Variants in GCNT1 observed in about 807,000 individuals in gnomAD.
GCNT1 encodes glucosaminyl (N-acetyl) transferase 1.
In GCNT1, 16 loss-of-function variants were observed where a neutral mutation model predicts 26.2. That is an observed-to-expected ratio of 0.61 (90% CI 0.41 to 0.93). The LOEUF (loss-of-function observed/expected upper bound fraction) is 0.93, where lower values mean the gene tolerates loss of function less well. Ranked by LOEUF, GCNT1 falls within the 40% of genes least tolerant of loss-of-function variation. The pLI, the probability that GCNT1 is intolerant of heterozygous loss-of-function variation, is 0.00. For missense variants in GCNT1, 477 were observed against 526.7 expected (o/e 0.91, Z 0.92); for synonymous variants, 183 against 190.8 (o/e 0.96, Z 0.34).
At chr9:76,398,398 A>G in the GCNT1 span, among the ~76,000 whole-genome samples, 21 of 152,360 alleles carry the variant, frequency 1.4e-4, no homozygotes, top group African/African-American at 5.0e-4. Flanking sequence ...AATGGCCAAA[A>G]TTCAGAACAC....
At chr9:76,467,322 G>A (rs1299568455) in intron 2 of GCNT1, among the ~76,000 whole-genome samples, 11 of 152,284 alleles carry the variant, frequency 7.2e-5, no homozygotes, top group Admixed American at 5.2e-4. Flanking sequence ...GATTACAGGC[G>A]TGAGCCACCT....
intron 2 of GCNT1, among the ~76,000 whole-genome samples, chr9:76,496,207 C>G (rs930078222): frequency 2.6e-5 from 4 of 152,242 alleles, no homozygotes; most frequent in African/African-American, 9.6e-5. Flanking sequence ...GAGACTACAT[C>G]TTGGATGGGT....
intron 2 of GCNT1, among the ~76,000 whole-genome samples, chr9:76,469,699 G>C (rs537318977): frequency 6.6e-6 from 1 of 152,176 alleles, no homozygotes; most frequent in Non-Finnish European, 1.5e-5. Flanking sequence ...CTGATCCAGC[G>C]AGGCGCCCAT....
At chr9:76,481,561 A>G (rs1282455534) in intron 2 of GCNT1, among the ~76,000 whole-genome samples, 1 of 152,146 alleles carries the variant, frequency 6.6e-6, no homozygotes, top group African/African-American at 2.4e-5. Context: ...TATCAGTTAT[A>G]TATAAAAGCT....
chr9:76,442,541 C>T (rs1320305661), intron 1 of GCNT1, among the ~76,000 whole-genome samples: 2 of 152,076 alleles, frequency 1.3e-5, no homozygotes, highest in African/African-American at 2.4e-5. Flanking sequence ...ATTAGCTGGG[C>T]TTGGTGGTAG....
chr9:76,479,948 G>A (rs931168004), intron 2 of GCNT1, among the ~76,000 whole-genome samples: 11 of 152,136 alleles, frequency 7.2e-5, no homozygotes, highest in Admixed American at 2.0e-4. Flanking sequence ...GTCCTGAATG[G>A]TATTGCCTAG....
At chr9:76,480,727 T>C (rs1470248948) in intron 2 of GCNT1, among the ~76,000 whole-genome samples, 2 of 152,288 alleles carry the variant, frequency 1.3e-5, no homozygotes, top group Middle Eastern at 3.4e-3. Flanking sequence ...TGACATTTTG[T>C]CTCAAAGTAG....
At chr9:76,412,629 C>T in the GCNT1 span, among the ~76,000 whole-genome samples, 1 of 152,196 alleles carries the variant, frequency 6.6e-6, no homozygotes, top group Non-Finnish European at 1.5e-5. Context: ...GTTGCCTCAG[C>T]ATCCATTTTG....
upstream of GCNT1, among the ~76,000 whole-genome samples, chr9:76,439,505 G>A (rs1195556140): frequency 2.6e-5 from 4 of 151,796 alleles, no homozygotes; most frequent in South Asian, 2.1e-4. Context: ...GATTACAGGC[G>A]TGAGCCACCA....
At chr9:76,495,101 G>A (rs1824868769) in intron 2 of GCNT1, among the ~76,000 whole-genome samples, 1 of 152,180 alleles carries the variant, frequency 6.6e-6, no homozygotes. Context: ...GGAAAAATAG[G>A]ACAGAATAGC....
upstream of GCNT1, chr9:76,459,153 G>A (rs1370113964): frequency 6.6e-6 from 1 of 152,324 alleles, no homozygotes; most frequent in Admixed American, 6.5e-5. Context: ...AGAAAGGCGG[G>A]GCCTCTGGGG....
intron 1 of GCNT1, among the ~76,000 whole-genome samples, chr9:76,431,312 G>A (rs1361523686): frequency 6.6e-6 from 1 of 152,118 alleles, no homozygotes; most frequent in African/African-American, 2.4e-5. Flanking sequence ...CCTTAGCAGG[G>A]ACCCCAGGTC....
chr9:76,394,482 C>G, the GCNT1 span: 10 of 270,206 alleles, frequency 3.7e-5, no homozygotes, highest in South Asian at 6.8e-4. Flanking sequence ...AGCCGGCCTC[C>G]GCGCCGCCGG....
intron 1 of GCNT1, chr9:76,420,749 C>T (rs1823179169): frequency 6.7e-6 from 1 of 149,968 alleles, no homozygotes; most frequent in South Asian, 2.3e-4. Flanking sequence ...GCCTGAGCAA[C>T]ATAGCAAGAC....
intron 2 of GCNT1, among the ~76,000 whole-genome samples, chr9:76,481,327 G>C (rs1174223426): frequency 6.6e-6 from 1 of 151,728 alleles, no homozygotes; most frequent in Non-Finnish European, 1.5e-5. Flanking sequence ...TTTAGGACAA[G>C]CTTGTCCAAC....
At chr9:76,413,653 G>GTTTTTTTTTTTTTTTTTTTTTTTTTTT in the GCNT1 span, among the ~76,000 whole-genome samples, 3 of 118,658 alleles carry the variant, frequency 2.5e-5, no homozygotes, top group Admixed American at 8.9e-5. Flanking sequence ...GTTTTGTTTT[G>GTTTTTTTTTTTTTTTTTTTTTTTTTTT]TTTTTTTTTT....
chr9:76,402,298 G>A, the GCNT1 span, among the ~76,000 whole-genome samples: 512 of 152,220 alleles, frequency 3.4e-3, 3 homozygotes, highest in African/African-American at 0.012. Flanking sequence ...AACTACATCC[G>A]AATTTGCTTC....
intron 2 of GCNT1, among the ~76,000 whole-genome samples, chr9:76,491,672 T>C (rs1468553141): frequency 3.3e-5 from 5 of 152,102 alleles, no homozygotes; most frequent in Non-Finnish European, 7.4e-5. Flanking sequence ...CATCCATTGG[T>C]ATATAGGTTA....
intron 1 of GCNT1, among the ~76,000 whole-genome samples, chr9:76,447,173 A>T (rs1387339088): frequency 2.0e-5 from 3 of 150,570 alleles, no homozygotes; most frequent in Non-Finnish European, 4.4e-5. Context: ...AAAAAAAAAA[A>T]AAAAAAAGAA....
Sources: gnomAD v4.1 joint callset for allele counts (sites outside exome capture counted in the v4.1 genomes callset) on GRCh38, gnomAD v4.1.1 for gene constraint, MANE v1.5 for transcripts, NCBI Gene and HGNC (gene_info 2026-07-23, HGNC 2026-07-21) for gene names.